Variants in LMNB1 observed in about 807,000 individuals in gnomAD.
The protein encoded by LMNB1 is lamin B1, also known as lamin-B1.
A neutral mutation model predicts 67.1 loss-of-function variants in LMNB1; 23 were observed. That is an observed-to-expected ratio of 0.34 (90% CI 0.25 to 0.49). The LOEUF (loss-of-function observed/expected upper bound fraction) is 0.49. LMNB1 is among the 20% of genes least tolerant of loss of function. The pLI is 0.99. For missense variants in LMNB1, 634 were observed against 746.5 expected (o/e 0.85, Z 1.76); for synonymous variants, 281 against 282.9 (o/e 0.99, Z 0.07).
At chr5:126,813,948 T>A (rs955564958) in intron 5 of LMNB1, among the ~76,000 whole-genome samples, 3 of 152,180 alleles carry the variant, frequency 2.0e-5, no homozygotes, top group African/African-American at 7.2e-5. Flanking sequence ...CAGGCTGTAG[T>A]GCAATGGCGC....
At chr5:126,820,747 A>G (rs757720785) in intron 6 of LMNB1, among the ~76,000 whole-genome samples, 163 bp from the exon 7 acceptor site, 1 of 151,668 alleles carries the variant, frequency 6.6e-6, no homozygotes, top group African/African-American at 2.4e-5. Flanking sequence ...GCTGATCTTG[A>G]ACTCCTGACC....
chr5:126,827,021 T>G (rs372647204), intron 9 of LMNB1, among the ~76,000 whole-genome samples: 3 of 152,360 alleles, frequency 2.0e-5, no homozygotes, highest in African/African-American at 7.2e-5. Context: ...ACATGCTTAC[T>G]GATTCTGACC....
At chr5:126,805,795 G>T in intron 3 of LMNB1, 99 bp downstream of exon 3, 1 of 953,548 alleles carries the variant, frequency 1.0e-6, no homozygotes. Context: ...TGATTTCTTT[G>T]CCACAAAAAT....
At chr5:126,818,238 T>TG (rs1751761065) in intron 5 of LMNB1, among the ~76,000 whole-genome samples, 1 of 117,672 alleles carries the variant, frequency 8.5e-6, no homozygotes, top group Non-Finnish European at 1.8e-5. Flanking sequence ...AGTGTTTATA[T>TG]CTTTTTTTTT....
chr5:126,798,957 A>G (rs1385119846), intron 1 of LMNB1, among the ~76,000 whole-genome samples: 1 of 152,030 alleles, frequency 6.6e-6, no homozygotes, highest in Non-Finnish European at 1.5e-5. Flanking sequence ...AGTGCTGTAT[A>G]TGCAAGAGGA....
chr5:126,825,673 C>G (rs1211608721), intron 8 of LMNB1, among the ~76,000 whole-genome samples: 3 of 152,184 alleles, frequency 2.0e-5, no homozygotes, highest in Admixed American at 6.5e-5. Context: ...GGTGCCATTT[C>G]TACCCTGTTT....
chr5:126,827,898 G>A (rs548827653), intron 9 of LMNB1, among the ~76,000 whole-genome samples: 1 of 152,266 alleles, frequency 6.6e-6, no homozygotes, highest in South Asian at 2.1e-4. Flanking sequence ...AGTGCCACGG[G>A]CAGGCCTCTA....
At chr5:126,830,886 G>C (rs1007649158) in intron 9 of LMNB1, among the ~76,000 whole-genome samples, 2 of 152,176 alleles carry the variant, frequency 1.3e-5, no homozygotes, top group African/African-American at 4.8e-5. Flanking sequence ...AACGGTGGTT[G>C]ATCTAAAGAA....
intron 1 of LMNB1, among the ~76,000 whole-genome samples, chr5:126,803,704 T>C (rs1311465718): frequency 1.3e-5 from 2 of 152,122 alleles, no homozygotes; most frequent in Admixed American, 6.6e-5. Flanking sequence ...TGCGCCACCA[T>C]GCCCAGCTTA....
intron 3 of LMNB1, among the ~76,000 whole-genome samples, chr5:126,806,897 C>A (rs1199182936): frequency 6.6e-6 from 1 of 152,056 alleles, no homozygotes; most frequent in African/African-American, 2.4e-5. Flanking sequence ...CCTGCCTTAG[C>A]CCCCCTAGTA....
intron 1 of LMNB1, among the ~76,000 whole-genome samples, chr5:126,793,733 G>A (rs997417780): frequency 2.6e-5 from 4 of 152,120 alleles, no homozygotes; most frequent in South Asian, 2.1e-4. Flanking sequence ...AAAATTAGCC[G>A]AATGTAGTGT....
At chr5:126,795,910 G>C (rs2112940736) in intron 1 of LMNB1, among the ~76,000 whole-genome samples, 1 of 147,236 alleles carries the variant, frequency 6.8e-6, no homozygotes, top group South Asian at 2.1e-4. Context: ...ACAGGCGTGA[G>C]CCACTGCGCC....
At chr5:126,801,528 C>T (rs950935477) in intron 1 of LMNB1, among the ~76,000 whole-genome samples, 4 of 152,140 alleles carry the variant, frequency 2.6e-5, no homozygotes, top group Non-Finnish European at 4.4e-5. Context: ...TTTTTGGCTT[C>T]TTGTGTTTTC....
intron 3 of LMNB1, 31 bp from the exon 4 acceptor site, chr5:126,810,149 C>G: frequency 1.3e-6 from 2 of 1,590,622 alleles, no homozygotes; most frequent in Non-Finnish European, 1.7e-6. Flanking sequence ...TGGTAAGTAG[C>G]TTGGCTTTAT....
At chr5:126,786,356 C>T (rs377281825) in intron 1 of LMNB1, among the ~76,000 whole-genome samples, 8 of 152,184 alleles carry the variant, frequency 5.3e-5, no homozygotes, top group African/African-American at 1.4e-4. Flanking sequence ...CTCCTGACCT[C>T]GTGATCCTCC....
intron 1 of LMNB1, among the ~76,000 whole-genome samples, chr5:126,792,369 C>T (rs1487003812): frequency 6.6e-6 from 1 of 151,664 alleles, no homozygotes; most frequent in Non-Finnish European, 1.5e-5. Context: ...TCTTAAACTC[C>T]TGACCTCAGG....
intron 6 of LMNB1, among the ~76,000 whole-genome samples, chr5:126,819,498 A>G (rs1397844939): frequency 8.1e-6 from 1 of 123,020 alleles, no homozygotes; most frequent in Non-Finnish European, 1.8e-5. Flanking sequence ...TTATTTATTT[A>G]TTTATTTTTG....
intron 1 of LMNB1, among the ~76,000 whole-genome samples, chr5:126,789,434 T>C (rs1005348998): frequency 1.3e-5 from 2 of 152,114 alleles, no homozygotes; most frequent in African/African-American, 4.8e-5. Context: ...AAGAGGGAGC[T>C]GTTAATAATT....
intron 1 of LMNB1, among the ~76,000 whole-genome samples, chr5:126,779,647 C>A (rs1325888598): frequency 6.6e-6 from 1 of 152,164 alleles, no homozygotes; most frequent in Non-Finnish European, 1.5e-5. Context: ...GCCTGTAATC[C>A]CAGCGCTTTG....
Sources: gnomAD v4.1 joint callset for allele counts (sites outside exome capture counted in the v4.1 genomes callset) on GRCh38, gnomAD v4.1.1 for gene constraint, MANE v1.5 for transcripts, NCBI Gene and HGNC (gene_info 2026-07-23, HGNC 2026-07-21) for gene names.